EVI5L: variants seen among roughly 807,000 people sequenced by gnomAD.
The protein encoded by EVI5L is ecotropic viral integration site 5 like.
EVI5L carries 30 observed loss-of-function variants against 106.1 expected under a neutral mutation model. The ratio of observed to expected loss-of-function variants is 0.28; its 90% CI spans 0.21 to 0.38. EVI5L has a LOEUF of 0.38. Among genes scored for constraint, EVI5L ranks in the 10% least tolerant of loss-of-function variants. The pLI, the probability that EVI5L is intolerant of heterozygous loss-of-function variation, is 1.00. For missense variants in EVI5L, 809 were observed against 1,098.0 expected (o/e 0.74, Z 3.72); for synonymous variants, 489 against 483.3 (o/e 1.01, Z -0.15).
chr19:7,842,631 G>C (rs1469839605), intron 1 of EVI5L, among the ~76,000 whole-genome samples: 1 of 151,866 alleles, frequency 6.6e-6, no homozygotes, highest in Non-Finnish European at 1.5e-5. Flanking sequence ...GTGCGTGTGT[G>C]AAAATATGTG....
Position 7,849,050 on chromosome 19 carries a change from C to A in EVI5L, c.457C>A (p.Leu153Met). The change falls in exon 4 of 20, where the codon CTG becomes ATG. Residue 153 changes from leucine (L) to methionine (M), a missense_variant. By Grantham distance (15) the Leu-to-Met change is conservative. This residue lies in a region of EVI5L where 357 missense variants were observed against 588.1 expected (regional missense o/e 0.61). Coordinates refer to ENST00000538904, the MANE Select transcript of EVI5L (RefSeq NM_001159944.3). ...CAAGATGTCCTCGCCGTGCGAGAAG[C>A]TGATCCGCAGGGACATCGCCCGCAC... Reference protein sequence around the residue: ...LLKMSSPCEKLIRRDIARTYP... With the variant: ...LLKMSSPCEKMIRRDIARTYP... 1 of 1,613,536 alleles carries A rather than the reference C, an allele frequency of 6.2e-7. No homozygotes were observed. The highest frequency in any genetic ancestry group is 8.5e-7 in the Non-Finnish European group (1 of 1,179,924).
intron 9 of EVI5L, 41 bp downstream of exon 9, chr19:7,853,224 G>A (rs1337524853): frequency 1.2e-6 from 2 of 1,613,956 alleles, no homozygotes; most frequent in African/African-American, 1.3e-5. Context: ...GTAAGAAGGG[G>A]GGACCCCCGA....
chr19:7,835,502 G>A lies in EVI5L; in HGVS notation c.-48+5121G>A, dbSNP rs113609168. Among the ~76,000 whole-genome samples the A allele has an allele frequency of 1.9e-3, 295 of 152,084 alleles. 1 individual carries two copies. Among genetic ancestry groups the A allele is most frequent in the African/African-American group, 6.4e-3 (265 of 41,496 alleles). ...CAGCCTGGGTGACAGAGGTAGACTC[G>A]GTTTCAAAGAAAAAAGAATAAAAAG... On this transcript the variant is annotated intron_variant, in intron 1 of 19. Coordinates refer to ENST00000538904, the MANE Select transcript of EVI5L (RefSeq NM_001159944.3). The surrounding 1 kb of genome is among the most constrained non-coding windows in gnomAD (Gnocchi z 4.1).
At position 7,850,099 on chromosome 19, in the gene EVI5L, T is replaced by C. The variant is rs759460493; in HGVS notation, c.730T>C (p.Tyr244His). ...PSMAELGLCI[Y>H]QFEYMLQEQL... ...CATGGCCGAGCTCGGGCTCTGCATC[T>C]ATCAGTTCGAGTACATGCTGCAGGT... Residue 244 changes from tyrosine (Y) to histidine (H), a missense_variant, in exon 6 of 20, where the codon TAT (tyrosine) becomes CAT (histidine). This residue lies in a region of EVI5L where 357 missense variants were observed against 588.1 expected (regional missense o/e 0.61). Coordinates refer to ENST00000538904, the MANE Select transcript of EVI5L (RefSeq NM_001159944.3). This position sits in a 1 kb window ranked among gnomAD's most constrained non-coding sequence, Gnocchi z 5.4. The C allele has an allele frequency of 6.2e-7, 1 of 1,605,360 alleles. No homozygotes were observed. The highest frequency in any genetic ancestry group is 8.5e-7 in the Non-Finnish European group (1 of 1,176,438).
In EVI5L at chr19:7,857,263, T is replaced by C; in HGVS notation, c.1233+139T>C. On this transcript the variant is annotated intron_variant, in intron 12 of 19. Transcript: ENST00000538904. The surrounding 1 kb of genome is among the most constrained non-coding windows in gnomAD (Gnocchi z 4.5). ...CATGCATGGAGCAGCTGGGGACCGC[T>C]TCTGGGGGACACAGAGGCTTCCCGG... 8.4e-7 allele frequency: 1 copy of C among 1,191,464 alleles called. No homozygotes were observed. The highest frequency in any genetic ancestry group is 1.2e-6 in the Non-Finnish European group (1 of 825,962). The allele number at this position is 1,191,464 out of a possible 1,614,324, so 73.8% of individuals were successfully genotyped here. A position where few individuals can be genotyped will look rare whatever the true frequency, so the allele number is the denominator to read the frequency against.
In EVI5L at chr19:7,853,332, A is replaced by T. The variant is rs1337954950; in HGVS notation, c.1145A>T (p.Lys382Ile). Residue 382 changes from lysine (K) to isoleucine (I), a missense_variant and splice_region_variant, in exon 10 of 20, where the codon AAA (lysine) becomes ATA (isoleucine). By Grantham distance (102) the Lys-to-Ile change is moderately radical (BLOSUM62 -3). Transcript: ENST00000538904. ...GAGATGGAGGAGCAGATCGAGATCA[A>T]AGTGAGTCCAGGGGCCCAGGGGCGG... ...SKEMEEQIEI[K>I]RLRTENRLLK... is the part of the protein sequence containing the mutation. 6.2e-7 allele frequency: 1 copy of T among 1,610,014 alleles called. No individual in the cohort carries two copies. The highest frequency in any genetic ancestry group is 1.7e-5 in the Admixed American group (1 of 58,876).
intron 1 of EVI5L, among the ~76,000 whole-genome samples, chr19:7,838,676 C>T (rs1193546845): frequency 6.6e-6 from 1 of 152,070 alleles, no homozygotes; most frequent in Non-Finnish European, 1.5e-5. Context: ...GTCCTCAAAT[C>T]GTGCATGACC....
chr19:7,842,655 A>G (rs189337742), intron 1 of EVI5L, among the ~76,000 whole-genome samples: 1 of 148,964 alleles, frequency 6.7e-6, no homozygotes, highest in Admixed American at 6.7e-5. Context: ...GTGGGTGTTT[A>G]TGTATCAAGT....
rs911333179 is a variant in EVI5L, at chr19:7,848,644, C to T, written c.328-277C>T. ...ATTAGCCAGGCGTGGTGGTGCACAACTGTAGTCCCAGCTACTCAGGAAGCT... is the reference window on the plus strand; with the variant it reads ...ATTAGCCAGGCGTGGTGGTGCACAATTGTAGTCCCAGCTACTCAGGAAGCT... On this transcript the variant is annotated intron_variant, in intron 3 of 19. Transcript: ENST00000538904. The surrounding 1 kb of genome is among the most constrained non-coding windows in gnomAD (Gnocchi z 4.8). 6.6e-6 allele frequency among the ~76,000 whole-genome samples: 1 copy of T among 151,984 alleles called. No individual in the cohort carries two copies. The highest frequency in any genetic ancestry group is 2.4e-5 in the African/African-American group (1 of 41,390).
chr19:7,863,290 C>T lies in EVI5L; in HGVS notation c.2139+10C>T. On this transcript the variant is annotated intron_variant, in intron 19 of 19. Coordinates refer to ENST00000538904, the MANE Select transcript of EVI5L (RefSeq NM_001159944.3). This position sits in a 1 kb window ranked among gnomAD's most constrained non-coding sequence, Gnocchi z 7.7. The stretch of plus-strand genomic sequence containing the variant: ...GGAGCTGAAGGCCGAGGTGAGCCGG[C>T]GCGGGGATGCCGGGGACAGGCCTGG... 6.4e-7 allele frequency: 1 copy of T among 1,552,584 alleles called. No individual in the cohort carries two copies. Among genetic ancestry groups the T allele is most frequent in the East Asian group, 2.4e-5 (1 of 41,426 alleles).
In EVI5L at chr19:7,857,248, G is replaced by A. The variant is rs1034493900; in HGVS notation, c.1233+124G>A. ...GGGCAGGCCTGGCGCCATGCATGGAGCAGCTGGGGACCGCTTCTGGGGGAC... is the reference window on the plus strand; with the variant it reads ...GGGCAGGCCTGGCGCCATGCATGGAACAGCTGGGGACCGCTTCTGGGGGAC... On this transcript the variant is annotated intron_variant, in intron 12 of 19. Transcript: ENST00000538904. This position sits in a 1 kb window ranked among gnomAD's most constrained non-coding sequence, Gnocchi z 4.5. 2 of 1,351,552 alleles carry A rather than the reference G, an allele frequency of 1.5e-6. No individual in the cohort carries two copies. The highest frequency in any genetic ancestry group is 1.3e-5 in the South Asian group (1 of 79,660). 83.7% of individuals were successfully genotyped at this position (1,351,552 alleles called of 1,614,324 possible).
At chr19:7,853,369 G>A in intron 10 of EVI5L, 36 bp downstream of exon 10, 1 of 1,589,518 alleles carries the variant, frequency 6.3e-7, no homozygotes, top group Non-Finnish European at 8.6e-7. Flanking sequence ...GACAGGGATG[G>A]GAGGCCTTTG....
chr19:7,832,263 TG>T (rs1978296573), intron 1 of EVI5L, among the ~76,000 whole-genome samples: 1 of 152,172 alleles, frequency 6.6e-6, no homozygotes, highest in Admixed American at 6.5e-5. Flanking sequence ...GAGGAGATGC[TG>T]GCGCGACACT....
rs747444368 is a variant in EVI5L, at chr19:7,846,514, C to T, written c.-29C>T. On this transcript the variant is annotated 5_prime_UTR_variant, in exon 2 of 20. Coordinates refer to ENST00000538904, the MANE Select transcript of EVI5L (RefSeq NM_001159944.3). ...CCCCCAGACAGAGCTGTGAACCAAC[C>T]CCGCTCACGGCTAACAAGCCCACCC... The T allele has an allele frequency of 6.3e-7, 1 of 1,593,822 alleles. No individual in the cohort carries two copies. The highest frequency in any genetic ancestry group is 1.4e-5 in the African/African-American group (1 of 74,044).
intron 7 of EVI5L, 22 bp downstream of exon 7, chr19:7,851,599 G>A (rs1285686033): frequency 3.1e-6 from 5 of 1,603,492 alleles, no homozygotes; most frequent in Non-Finnish European, 3.4e-6. Context: ...TGGTGCCTGG[G>A]GAGGGAAGAG....
chr19:7,849,638 C>A (rs1411227813), intron 5 of EVI5L, among the ~76,000 whole-genome samples: 4 of 152,110 alleles, frequency 2.6e-5, no homozygotes, highest in Non-Finnish European at 5.9e-5. Context: ...AGCCATCCAG[C>A]GTGGTGTTTA....
Position 7,850,089 on chromosome 19 carries a change from G to A in EVI5L, c.720G>A (p.Gly240=), listed in dbSNP as rs774283177. 144 of 1,605,494 alleles carry A rather than the reference G, an allele frequency of 9.0e-5. No homozygotes were observed. In the Middle Eastern group the frequency reaches 1.2e-3, roughly 13 times the overall value. The change falls in exon 6 of 20, where the codon GGG becomes GGA. Residue 240 remains glycine (G), a synonymous_variant. Transcript: ENST00000538904. The surrounding 1 kb of genome is among the most constrained non-coding windows in gnomAD (Gnocchi z 5.4). ...TCAAACCCAGCATGGCCGAGCTCGG[G>A]CTCTGCATCTATCAGTTCGAGTACA... ...ELFKPSMAEL[G]LCIYQFEYML... is the part of the protein sequence containing the mutation.
At chr19:7,838,500 C>T (rs1403187807) in intron 1 of EVI5L, among the ~76,000 whole-genome samples, 4 of 152,202 alleles carry the variant, frequency 2.6e-5, no homozygotes, top group African/African-American at 4.8e-5. Flanking sequence ...ATCAAGGGTA[C>T]GTGTTAGCCA....
intron 1 of EVI5L, among the ~76,000 whole-genome samples, chr19:7,844,366 A>C (rs1223558393): frequency 6.6e-6 from 1 of 151,670 alleles, no homozygotes; most frequent in Admixed American, 6.6e-5. Context: ...AAAGAAAAGA[A>C]ACCGAGGCTC....
Sources: gnomAD v4.1 joint callset for allele counts (sites outside exome capture counted in the v4.1 genomes callset) on GRCh38, gnomAD v4.1.1 for gene constraint, gnomAD v4.1.1 regional missense constraint, Gnocchi (gnomAD v3.1) non-coding constraint, MANE v1.5 for transcripts, NCBI Gene and HGNC (gene_info 2026-07-23, HGNC 2026-07-21) for gene names.